RAD9B: variants seen among roughly 807,000 people sequenced by gnomAD.
RAD9B encodes the protein RAD9 checkpoint clamp component B.
Under a neutral mutation model 48.3 loss-of-function variants are expected in RAD9B, and 41 were observed. That is an observed-to-expected ratio of 0.85 (90% CI 0.66 to 1.10). The LOEUF (loss-of-function observed/expected upper bound fraction) is 1.10, where lower values mean the gene tolerates loss of function less well. Ranked by LOEUF, RAD9B falls within the 50% of genes least tolerant of loss-of-function variation. The pLI is 0.00. For missense variants in RAD9B, 444 were observed against 485.1 expected (o/e 0.92, Z 0.80); for synonymous variants, 160 against 157.9 (o/e 1.01, Z -0.10).
At chr12:110,529,874 G>C (rs2064075566) in intron 10 of RAD9B, among the ~76,000 whole-genome samples, 1 of 152,162 alleles carries the variant, frequency 6.6e-6, no homozygotes, top group Admixed American at 6.5e-5. Flanking sequence ...GTAGCAGGAG[G>C]GGAAGGGAAG....
At chr12:110,520,628 CTTTTTT>C (rs71083129) in intron 9 of RAD9B, among the ~76,000 whole-genome samples, 3 of 99,968 alleles carry the variant, frequency 3.0e-5, no homozygotes, top group Non-Finnish European at 5.5e-5. Context: ...TTCTTGCTTT[CTTTTTT>C]TTTTTTTTTT....
intron 6 of RAD9B, among the ~76,000 whole-genome samples, chr12:110,518,076 A>G (rs1239867799): frequency 6.6e-6 from 1 of 152,100 alleles, no homozygotes; most frequent in African/African-American, 2.4e-5. Context: ...CTGTAGTCCC[A>G]GCAACTCGGG....
intron 9 of RAD9B, among the ~76,000 whole-genome samples, chr12:110,521,139 A>G (rs2063772557): frequency 6.6e-6 from 1 of 151,818 alleles, no homozygotes; most frequent in African/African-American, 2.4e-5. Context: ...AATTTTGTGT[A>G]TACTTGTATT....
intron 5 of RAD9B, among the ~76,000 whole-genome samples, chr12:110,513,559 G>A (rs1409198517): frequency 6.6e-6 from 1 of 151,794 alleles, no homozygotes; most frequent in Admixed American, 6.6e-5. Context: ...AATGAGTAAG[G>A]CATATATGTC....
rs199653323 is a variant in RAD9B at position 110,519,607 on chromosome 12, T to G, written c.768-187T>G. 2.0e-5 allele frequency among the ~76,000 whole-genome samples: 3 copies of G among 152,240 alleles called. No homozygotes were observed. The East Asian group carries it at 5.8e-4, about 29-fold the overall frequency. On this transcript the variant is annotated intron_variant, in intron 8 of 10. Transcript: ENST00000409300. ...CATCATGCCCGGCTAATTTTTTTTT[T>G]GTATTTTTAGTAGAGACGGGGTTTC... is the stretch of plus-strand genomic sequence containing the variant.
chr12:110,502,362 A>G lies in RAD9B; in HGVS notation c.25A>G (p.Met9Val), dbSNP rs1185787129. 1.2e-6 allele frequency: 2 copies of G among 1,613,794 alleles called. No homozygotes were observed. Among genetic ancestry groups the G allele is most frequent in the Non-Finnish European group, 8.5e-7 (1 of 1,179,824 alleles). Residue 9 changes from methionine (M) to valine (V), a missense_variant, in exon 1 of 11, where the codon ATG (methionine) becomes GTG (valine). By Grantham distance (21) the Met-to-Val change is conservative. Transcript: ENST00000409300. MAAMLKCVMSGSQVKVFGK... is the reference protein window; with the variant it reads MAAMLKCVVSGSQVKVFGK... ...GATGGCAGCCATGCTGAAGTGCGTG[A>G]TGAGCGGCAGTCAGGTGAAAGGTGG...
In RAD9B at chr12:110,531,667, T is replaced by C; in HGVS notation, c.*1014T>C. 2 of 1,597,334 alleles carry C rather than the reference T, an allele frequency of 1.3e-6. No homozygotes were observed. Among genetic ancestry groups the C allele is most frequent in the Middle Eastern group, 1.7e-4 (1 of 6,036 alleles). On this transcript the variant is annotated 3_prime_UTR_variant, in exon 11 of 11. Transcript: ENST00000409300. ...TCCTCCACTGCCAAGACAGCCTGAG[T>C]TTGGAGTGGAATAAGGTGGAAGACA...
chr12:110,522,325 A>C lies in RAD9B; in HGVS notation c.1039A>C (p.Lys347Gln). ...GGAAAACTGTGGCAGCCCTGCAATG[A>C]AAAGAGTGGATGGAGATGTCAGTGA... ...ALENCGSPAM[K>Q]RVDGDVSEVS... Residue 347 changes from lysine to glutamine, a missense_variant, in exon 10 of 11, where the codon AAA becomes CAA. By Grantham distance (53) the Lys-to-Gln change is moderately conservative. Transcript: ENST00000409300. 1 of 1,613,772 alleles carries C rather than the reference A, an allele frequency of 6.2e-7. No homozygotes were observed. The highest frequency in any genetic ancestry group is 8.5e-7 in the Non-Finnish European group (1 of 1,179,818).
intron 10 of RAD9B, among the ~76,000 whole-genome samples, chr12:110,525,326 A>G (rs2063903354): frequency 6.6e-6 from 1 of 151,556 alleles, no homozygotes; most frequent in Non-Finnish European, 1.5e-5. Context: ...GGGTTTCACC[A>G]TGTTGCCCAG....
In RAD9B at chr12:110,530,686, A is replaced by G; in HGVS notation, c.*33A>G. The G allele has an allele frequency of 1.9e-6, 3 of 1,611,830 alleles. No homozygotes were observed. Among genetic ancestry groups the G allele is most frequent in the Non-Finnish European group, 2.5e-6 (3 of 1,178,662 alleles). ...TGATGGCTGAGCTGGGCCCCAGCCCAGTGACTGGCTCATTTGCCCCTCAAG... is the reference window on the plus strand; with the variant it reads ...TGATGGCTGAGCTGGGCCCCAGCCCGGTGACTGGCTCATTTGCCCCTCAAG... On this transcript the variant is annotated 3_prime_UTR_variant, in exon 11 of 11. Coordinates refer to ENST00000409300, the MANE Select transcript of RAD9B (RefSeq NM_001286535.2).
intron 9 of RAD9B, among the ~76,000 whole-genome samples, chr12:110,520,628 C>CTTTTTTTTTTTTTTTTTTTGTTTTTTTT (rs71083129): frequency 1.0e-5 from 1 of 99,966 alleles, no homozygotes; most frequent in African/African-American, 4.0e-5. Flanking sequence ...TTCTTGCTTT[C>CTTTTTTTTTTTTTTTTTTTGTTTTTTTT]TTTTTTTTTT....
chr12:110,526,077 T>G (rs762808653), intron 10 of RAD9B, among the ~76,000 whole-genome samples: 5 of 152,214 alleles, frequency 3.3e-5, no homozygotes, highest in Non-Finnish European at 7.3e-5. Context: ...CCTCAGGTGA[T>G]CCACCTGCCT....
intron 2 of RAD9B, among the ~76,000 whole-genome samples, chr12:110,504,702 G>A (rs1385219854): frequency 6.6e-6 from 1 of 151,784 alleles, no homozygotes; most frequent in Non-Finnish European, 1.5e-5. Flanking sequence ...CACACATTAA[G>A]GTTAAGGCTC....
At chr12:110,524,154 T>C (rs2135724491) in intron 10 of RAD9B, among the ~76,000 whole-genome samples, 1 of 152,356 alleles carries the variant, frequency 6.6e-6, no homozygotes, top group Admixed American at 6.5e-5. Context: ...GGACAAGTTA[T>C]TTATTTTGCC....
At position 110,514,935 on chromosome 12, in the gene RAD9B, A is replaced by G. The variant is rs563397529; in HGVS notation, c.489-115A>G. ...GTAGGAGTTTGGGTAAATTTTTCTAAACCCAGGCCAAGTAATTATTTATTT... is the reference window on the plus strand; with the variant it reads ...GTAGGAGTTTGGGTAAATTTTTCTAGACCCAGGCCAAGTAATTATTTATTT... On this transcript the variant is annotated intron_variant, in intron 5 of 10. Coordinates refer to ENST00000409300, the MANE Select transcript of RAD9B (RefSeq NM_001286535.2). 273 of 632,244 alleles carry G rather than the reference A, an allele frequency of 4.3e-4. 2 individuals carry two copies. In the African/African-American group the frequency reaches 4.8e-3, roughly 11 times the overall value. 39.2% of individuals were successfully genotyped at this position (632,244 alleles called of 1,614,324 possible). A position where few individuals can be genotyped will look rare whatever the true frequency, so the allele number is the denominator to read the frequency against.
chr12:110,514,399 A>G (rs972467603), intron 5 of RAD9B, among the ~76,000 whole-genome samples: 2 of 152,238 alleles, frequency 1.3e-5, no homozygotes, highest in African/African-American at 2.4e-5. Context: ...CTTCAAAGAA[A>G]ATATCAGTAA....
Position 110,522,204 on chromosome 12 carries a change from C to CA in RAD9B, c.923dup (p.Asn308LysfsTer22). Reference sequence around the variant, plus strand: ...CAGATCTGATTGAAAAAAAGGCTGGCAAAAATGTAACTGGCCAGGCCCTGG... The same window carrying CA: ...CAGATCTGATTGAAAAAAAGGCTGGCAAAAAATGTAACTGGCCAGGCCCTGG... On this transcript the variant is annotated frameshift_variant, in exon 10 of 11. Coordinates refer to ENST00000409300, the MANE Select transcript of RAD9B (RefSeq NM_001286535.2). LOFTEE classifies it high-confidence loss of function. 1 of 1,594,352 alleles carries CA rather than the reference C, an allele frequency of 6.3e-7. No individual in the cohort carries two copies. The highest frequency in any genetic ancestry group is 1.1e-5 in the South Asian group (1 of 87,834).
intron 2 of RAD9B, 120 bp from the exon 3 acceptor site, chr12:110,505,497 T>G: frequency 1.4e-6 from 1 of 739,360 alleles, no homozygotes; most frequent in Non-Finnish European, 2.0e-6. Flanking sequence ...GCCAGGCTGG[T>G]CTCAGACTCC....
chr12:110,523,352 A>G (rs2063841208), intron 10 of RAD9B, among the ~76,000 whole-genome samples: 1 of 152,168 alleles, frequency 6.6e-6, no homozygotes. Context: ...TCTTGAGCCC[A>G]GTAGTTCAAG....
Sources: allele counts gnomAD v4.1 joint callset (sites outside exome capture counted in the v4.1 genomes callset), GRCh38; gene constraint gnomAD v4.1.1; transcripts MANE v1.5; gene names NCBI Gene and HGNC (gene_info 2026-07-23, HGNC 2026-07-21).